ALPK1: variants seen among roughly 807,000 people sequenced by gnomAD.
ALPK1 encodes alpha-protein kinase 1.
A neutral mutation model predicts 120.6 loss-of-function variants in ALPK1; 110 were observed. That is an observed-to-expected ratio of 0.91 (90% CI 0.78 to 1.07). The LOEUF (loss-of-function observed/expected upper bound fraction) is 1.07, where lower values mean the gene tolerates loss of function less well. Ranked by LOEUF, ALPK1 falls within the 50% of genes least tolerant of loss-of-function variation. The pLI, the probability that ALPK1 is intolerant of heterozygous loss-of-function variation, is 0.00. For missense variants in ALPK1, 1,498 were observed against 1,483.9 expected (o/e 1.01, Z -0.16); for synonymous variants, 582 against 560.3 (o/e 1.04, Z -0.55).
At chr4:112,405,348 A>G (rs571074914) in intron 4 of ALPK1, among the ~76,000 whole-genome samples, 15 of 152,330 alleles carry the variant, frequency 9.8e-5, no homozygotes, top group African/African-American at 2.4e-4. Context: ...AACTTTTGCT[A>G]GAGAATATCA....
chr4:112,411,908 G>C lies in ALPK1; in HGVS notation c.358G>C (p.Gly120Arg), dbSNP rs908055837. The C allele has an allele frequency of 3.3e-5, 53 of 1,613,958 alleles. No individual in the cohort carries two copies. Among genetic ancestry groups the C allele is most frequent in the Non-Finnish European group, 4.4e-5 (52 of 1,180,018 alleles). ...IVFLVDRFLY[G>R]LDVSGKLLQV... ...GTTCTTGGTGGACCGGTTCCTGTATGGGCTCGACGTCTCTGGAAAACTTCT... is the reference window on the plus strand; with the variant it reads ...GTTCTTGGTGGACCGGTTCCTGTATCGGCTCGACGTCTCTGGAAAACTTCT... Residue 120 changes from glycine (G) to arginine (R), a missense_variant, in exon 5 of 16, where the codon GGG (glycine) becomes CGG (arginine). Physicochemically the swap from Gly to Arg is moderately radical, Grantham distance 125 (BLOSUM62 -2). Transcript: ENST00000650871.
intron 3 of ALPK1, among the ~76,000 whole-genome samples, chr4:112,380,460 T>C (rs1414917775): frequency 5.3e-5 from 8 of 152,164 alleles, no homozygotes; most frequent in Admixed American, 5.2e-4. Flanking sequence ...CGGTAATCAG[T>C]GTGAATCATT....
At chr4:112,421,810 T>G (rs1346791729) in intron 5 of ALPK1, among the ~76,000 whole-genome samples, 2 of 152,218 alleles carry the variant, frequency 1.3e-5, no homozygotes, top group Non-Finnish European at 2.9e-5. Context: ...CTCTTTTTCC[T>G]TCTTCACCAT....
chr4:112,408,143 A>G (rs1046081272), intron 4 of ALPK1, among the ~76,000 whole-genome samples: 1 of 152,098 alleles, frequency 6.6e-6, no homozygotes, highest in Non-Finnish European at 1.5e-5. Context: ...GCAGAACTAG[A>G]AATCAAGCAT....
At chr4:112,306,216 T>C (rs1728046185) in intron 1 of ALPK1, among the ~76,000 whole-genome samples, 2 of 151,700 alleles carry the variant, frequency 1.3e-5, no homozygotes, top group Non-Finnish European at 2.9e-5. Flanking sequence ...TTCTCTTTTT[T>C]TGTTGTGTCT....
intron 4 of ALPK1, among the ~76,000 whole-genome samples, chr4:112,394,014 A>G (rs541752569): frequency 7.5e-4 from 114 of 152,320 alleles, no homozygotes; most frequent in African/African-American, 2.6e-3. Context: ...TCAAAGCTGG[A>G]GAGAAATTCA....
intron 4 of ALPK1, 112 bp downstream of exon 4, chr4:112,382,664 A>G: frequency 7.0e-7 from 1 of 1,436,714 alleles, no homozygotes. Flanking sequence ...CCCTACCCTT[A>G]TGCTCAGCTC....
chr4:112,333,643 A>C (rs1253998724), intron 2 of ALPK1, among the ~76,000 whole-genome samples: 1 of 152,186 alleles, frequency 6.6e-6, no homozygotes, highest in Non-Finnish European at 1.5e-5. Flanking sequence ...ATGAACCCAC[A>C]TTAATGTTTG....
intron 2 of ALPK1, among the ~76,000 whole-genome samples, chr4:112,324,502 G>A (rs568045017): frequency 6.6e-6 from 1 of 152,052 alleles, no homozygotes; most frequent in Non-Finnish European, 1.5e-5. Flanking sequence ...TTTTCAGACA[G>A]GGTCTAACTC....
chr4:112,411,933 T>G lies in ALPK1; in HGVS notation c.383T>G (p.Leu128Arg). The change falls in exon 5 of 16, where the codon CTG (leucine) becomes CGG (arginine). Residue 128 changes from leucine (L) to arginine (R), a missense_variant. Coordinates refer to ENST00000650871, the MANE Select transcript of ALPK1 (RefSeq NM_025144.4). ...LYGLDVSGKL[L>R]QVAKGLHKLQ... is the part of the protein sequence containing the mutation. ...GGGCTCGACGTCTCTGGAAAACTTC[T>G]GCAGGTCGCCAAAGGTCTCCACAAG... 1 of 1,614,048 alleles carries G rather than the reference T, an allele frequency of 6.2e-7. No homozygotes were observed.
chr4:112,351,891 T>C (rs1730377001), intron 2 of ALPK1, among the ~76,000 whole-genome samples: 1 of 152,250 alleles, frequency 6.6e-6, no homozygotes, highest in Non-Finnish European at 1.5e-5. Flanking sequence ...CTCAATAGAC[T>C]ATGTTTACCA....
Position 112,364,701 on chromosome 4 carries a change from T to C in ALPK1, c.-100-12977T>C, listed in dbSNP as rs371436188. ...GAAAGAGGGAATCTTCCCTAAATCA[T>C]GCTATGAACCCACTATTGCCCTAAT... On this transcript the variant is annotated intron_variant, in intron 2 of 15. Coordinates refer to ENST00000650871, the MANE Select transcript of ALPK1 (RefSeq NM_025144.4). Among the ~76,000 whole-genome samples, 65 of 152,302 alleles carry C rather than the reference T, an allele frequency of 4.3e-4. 1 individual carries two copies. The highest frequency in any genetic ancestry group is 1.5e-3 in the African/African-American group (61 of 41,576).
At chr4:112,439,032 C>T (rs1036085721) in intron 13 of ALPK1, among the ~76,000 whole-genome samples, 7 of 152,288 alleles carry the variant, frequency 4.6e-5, no homozygotes, top group African/African-American at 1.7e-4. Context: ...AGCTCTCCCT[C>T]CTGGGACCAT....
At chr4:112,399,299 A>T (rs1560670491) in intron 4 of ALPK1, among the ~76,000 whole-genome samples, 1 of 152,178 alleles carries the variant, frequency 6.6e-6, no homozygotes, top group Non-Finnish European at 1.5e-5. Flanking sequence ...AGCCACCAGA[A>T]ATTTTTTTCT....
Position 112,377,830 on chromosome 4 carries a change from T to C in ALPK1, c.53T>C (p.Leu18Pro), listed in dbSNP as rs367882604. 1 of 1,613,658 alleles carries C rather than the reference T, an allele frequency of 6.2e-7. No homozygotes were observed. The highest frequency in any genetic ancestry group is 8.5e-7 in the Non-Finnish European group (1 of 1,179,762). Residue 18 changes from leucine to proline, a missense_variant, in exon 3 of 16, where the codon CTG (leucine) becomes CCG (proline). Coordinates refer to ENST00000650871, the MANE Select transcript of ALPK1 (RefSeq NM_025144.4). ...CTACTGCAAGAGTGCAAGCAAGTGC[T>C]GGATCAGCTCTTGTTGGAAGCGCCA... is the stretch of plus-strand genomic sequence containing the variant. ...AVLLQECKQV[L>P]DQLLLEAPDV...
intron 2 of ALPK1, among the ~76,000 whole-genome samples, chr4:112,325,373 A>G (rs1259944095): frequency 2.6e-5 from 4 of 152,228 alleles, no homozygotes; most frequent in Non-Finnish European, 5.9e-5. Context: ...GGTCAGACTT[A>G]AACAGTTCCT....
chr4:112,412,123 G>T, intron 5 of ALPK1, 98 bp downstream of exon 5: 1 of 1,461,016 alleles, frequency 6.8e-7, no homozygotes, highest in African/African-American at 1.4e-5. Context: ...CGGAGCACCC[G>T]GGCCCTGCGT....
chr4:112,366,595 G>T (rs984605119), intron 2 of ALPK1, among the ~76,000 whole-genome samples: 2 of 152,186 alleles, frequency 1.3e-5, no homozygotes, highest in Non-Finnish European at 2.9e-5. Flanking sequence ...ATTTTACACT[G>T]CTGGTGGGAA....
Position 112,431,417 on chromosome 4 carries a change from G to A in ALPK1, c.1870G>A (p.Ala624Thr), listed in dbSNP as rs746462896. 5 of 1,614,214 alleles carry A rather than the reference G, an allele frequency of 3.1e-6. No individual in the cohort carries two copies. Among genetic ancestry groups the A allele is most frequent in the South Asian group, 2.2e-5 (2 of 91,088 alleles). Reference sequence around the variant, plus strand: ...TCTGGTGGACACTCAGTGTTCCACTGCCTTGTCTGAGGAGCTAGAGAATGA... The same window carrying A: ...TCTGGTGGACACTCAGTGTTCCACTACCTTGTCTGAGGAGCTAGAGAATGA... ...EHLVDTQCST[A>T]LSEELENDRE... The change falls in exon 11 of 16, where the codon GCC (alanine) becomes ACC (threonine). Residue 624 changes from alanine (A) to threonine (T), a missense_variant. By Grantham distance (58) the Ala-to-Thr change is moderately conservative. Coordinates refer to ENST00000650871, the MANE Select transcript of ALPK1 (RefSeq NM_025144.4).
Sources: gnomAD v4.1 joint callset for allele counts (sites outside exome capture counted in the v4.1 genomes callset) on GRCh38, gnomAD v4.1.1 for gene constraint, MANE v1.5 for transcripts, NCBI Gene and HGNC (gene_info 2026-07-23, HGNC 2026-07-21) for gene names.